Variants in C1orf185 observed in about 807,000 individuals in gnomAD.
C1orf185 encodes the protein chromosome 1 open reading frame 185.
Under a neutral mutation model 16.1 loss-of-function variants are expected in C1orf185, and 13 were observed. That is an observed-to-expected ratio of 0.81 (90% CI 0.53 to 1.28). The LOEUF (loss-of-function observed/expected upper bound fraction) is 1.28. Among genes scored for constraint, C1orf185 ranks in the 50% most tolerant of loss-of-function variants. The pLI is 0.00. For missense variants in C1orf185, 220 were observed against 225.2 expected, an observed-to-expected ratio of 0.98 and a Z score of 0.15; for synonymous variants, 80 against 76.9, an observed-to-expected ratio of 1.04 and a Z score of -0.21.
At chr1:51,116,150 C>T (rs1646155938) in intron 2 of C1orf185, among the ~76,000 whole-genome samples, 1 of 152,004 alleles carries the variant, frequency 6.6e-6, no homozygotes, top group East Asian at 1.9e-4. Flanking sequence ...TCAGTTATCT[C>T]CTTTACCACT....
At chr1:51,117,523 TC>T (rs1316417823) in intron 2 of C1orf185, among the ~76,000 whole-genome samples, 1 of 152,100 alleles carries the variant, frequency 6.6e-6, no homozygotes, top group Admixed American at 6.6e-5. Context: ...CATCCCTCCC[TC>T]CCCCTAACTC....
chr1:51,125,982 A>AC (rs1444456704), intron 3 of C1orf185, among the ~76,000 whole-genome samples: 12 of 152,102 alleles, frequency 7.9e-5, no homozygotes, highest in Admixed American at 2.6e-4. Context: ...GCATAGCGAG[A>AC]CCCCAGCTCT....
intron 1 of C1orf185, among the ~76,000 whole-genome samples, chr1:51,106,982 C>T (rs1161570755): frequency 6.6e-6 from 1 of 152,178 alleles, no homozygotes; most frequent in Non-Finnish European, 1.5e-5. Flanking sequence ...TGGTTTTGAT[C>T]TCCTGACCTT....
chr1:51,148,269 G>A (rs1266804075), downstream of C1orf185, among the ~76,000 whole-genome samples: 4 of 151,862 alleles, frequency 2.6e-5, no homozygotes, highest in Non-Finnish European at 5.9e-5. Flanking sequence ...GATTACAGGC[G>A]CCTACCACCA....
At chr1:51,148,582 CT>C, downstream of C1orf185, among the ~76,000 whole-genome samples, 1 of 152,102 alleles carries the variant, frequency 6.6e-6, no homozygotes, top group Non-Finnish European at 1.5e-5. Flanking sequence ...CCATGTTATG[CT>C]TTTAGTAAGC....
chr1:51,115,735 T>C (rs958025766), intron 2 of C1orf185, among the ~76,000 whole-genome samples: 1 of 152,158 alleles, frequency 6.6e-6, no homozygotes, highest in African/African-American at 2.4e-5. Flanking sequence ...TGAATTTTAA[T>C]GGAGCAAGAG....
chr1:51,109,542 T>A (rs1646100373), intron 1 of C1orf185, among the ~76,000 whole-genome samples: 1 of 152,210 alleles, frequency 6.6e-6, no homozygotes, highest in Non-Finnish European at 1.5e-5. Context: ...TTTTATAGTT[T>A]GGGCTCTTAC....
rs998605752 is a variant in C1orf185, at chr1:51,143,011, G to C, written c.259-2713G>C. ...ACTCCTGGCCTCAGGGGATCCACCT[G>C]CCTCAGCCTCCCAAAGTACTAGGAT... On this transcript the variant is annotated intron_variant, in intron 3 of 4. Coordinates refer to ENST00000371759, the MANE Select transcript of C1orf185 (RefSeq NM_001136508.2). Among the ~76,000 whole-genome samples the C allele has an allele frequency of 2.6e-5, 4 of 152,104 alleles. 1 individual carries two copies. Among genetic ancestry groups the C allele is most frequent in the African/African-American group, 4.8e-5 (2 of 41,432 alleles).
chr1:51,145,846 G>C (rs2148034369), intron 4 of C1orf185, 86 bp downstream of exon 4: 1 of 635,690 alleles, frequency 1.6e-6, no homozygotes, highest in Non-Finnish European at 2.4e-6. Flanking sequence ...TATCCTAAAT[G>C]TCATCTAAAT....
chr1:51,120,252 C>T (rs1298825765), intron 3 of C1orf185, among the ~76,000 whole-genome samples: 1 of 152,112 alleles, frequency 6.6e-6, no homozygotes, highest in Non-Finnish European at 1.5e-5. Flanking sequence ...CCCCTTAGGC[C>T]GCACAGAACC....
intron 3 of C1orf185, among the ~76,000 whole-genome samples, chr1:51,123,033 G>A (rs1271957307): frequency 6.6e-6 from 1 of 152,142 alleles, no homozygotes; most frequent in Non-Finnish European, 1.5e-5. Context: ...GGAAGTCTAA[G>A]GTCAAGGAGG....
chr1:51,147,285 A>G (rs961690129), intron 4 of C1orf185, among the ~76,000 whole-genome samples, 182 bp from the exon 5 acceptor site: 3 of 152,178 alleles, frequency 2.0e-5, no homozygotes. Flanking sequence ...TTCATTTAGA[A>G]TAGTCTTTTC....
intron 3 of C1orf185, among the ~76,000 whole-genome samples, chr1:51,122,033 T>A (rs913791491): frequency 6.6e-6 from 1 of 152,214 alleles, no homozygotes; most frequent in African/African-American, 2.4e-5. Context: ...TTAGACTCCA[T>A]ATCTAATCTT....
rs1398980005 is a variant in C1orf185, at chr1:51,112,576, A to G, written c.122+7A>G. On this transcript the variant is annotated splice_region_variant and intron_variant, in intron 2 of 4. Transcript: ENST00000371759. ...TCCTGATTTGCAAACGAAGGTAAGG[A>G]TTATTCGAATATTTCTTTAACCTTT... is the stretch of plus-strand genomic sequence containing the variant. The G allele has an allele frequency of 5.3e-6, 8 of 1,523,338 alleles. No individual in the cohort carries two copies. The highest frequency in any genetic ancestry group is 4.9e-5 in the East Asian group (2 of 40,742). 94.4% of individuals were successfully genotyped at this position (1,523,338 alleles called of 1,614,324 possible).
intron 3 of C1orf185, among the ~76,000 whole-genome samples, chr1:51,144,307 A>T (rs1267214776): frequency 1.3e-5 from 2 of 152,214 alleles, no homozygotes; most frequent in Non-Finnish European, 1.5e-5. Flanking sequence ...GCAATATTCT[A>T]AAGTAATTTA....
chr1:51,126,680 C>A (rs1475534627), intron 3 of C1orf185, among the ~76,000 whole-genome samples: 1 of 151,964 alleles, frequency 6.6e-6, no homozygotes, highest in Non-Finnish European at 1.5e-5. Context: ...TTTCCTATAC[C>A]CTTCACCCAG....
chr1:51,112,297 G>A (rs1317572467), intron 1 of C1orf185, among the ~76,000 whole-genome samples, 167 bp from the exon 2 acceptor site: 1 of 152,126 alleles, frequency 6.6e-6, no homozygotes, highest in Non-Finnish European at 1.5e-5. Flanking sequence ...CTAATCCAGG[G>A]TCTTGGAGTT....
At chr1:51,104,526 G>A (rs767981331) in intron 1 of C1orf185, among the ~76,000 whole-genome samples, 23 of 152,234 alleles carry the variant, frequency 1.5e-4, no homozygotes, top group Admixed American at 3.9e-4. Flanking sequence ...AGGCAAGAGA[G>A]GGAGAAAAAT....
chr1:51,126,315 G>A (rs1001723532), intron 3 of C1orf185, among the ~76,000 whole-genome samples: 1 of 152,100 alleles, frequency 6.6e-6, no homozygotes, highest in Non-Finnish European at 1.5e-5. Flanking sequence ...CCAGGCTGGA[G>A]TGCAGTGGCA....
Sources: gnomAD v4.1 joint callset for allele counts (sites outside exome capture counted in the v4.1 genomes callset) on GRCh38, gnomAD v4.1.1 for gene constraint, MANE v1.5 for transcripts, NCBI Gene and HGNC (gene_info 2026-07-23, HGNC 2026-07-21) for gene names.